The following RRBP1 variants were observed in gnomAD, a reference collection of about 807,000 sequenced individuals.
RRBP1 encodes ribosome-binding protein 1.
A neutral mutation model predicts 165.2 loss-of-function variants in RRBP1; 94 were observed. That is an observed-to-expected ratio of 0.57 (90% CI 0.48 to 0.68). The LOEUF is 0.68. Among genes scored for constraint, RRBP1 ranks in the 30% least tolerant of loss-of-function variants. The pLI is 0.00. For missense variants in RRBP1, 1,676 were observed against 1,763.0 expected (o/e 0.95, Z 0.88); for synonymous variants, 680 against 714.5 (o/e 0.95, Z 0.77).
chr20:17,665,535 C>A (rs192235174), intron 2 of RRBP1, among the ~76,000 whole-genome samples: 1 of 152,244 alleles, frequency 6.6e-6, no homozygotes, highest in Admixed American at 6.5e-5. Flanking sequence ...CCACGCCCAG[C>A]TAATTTTTGT....
At chr20:17,663,448 T>C (rs1305259009) in intron 2 of RRBP1, among the ~76,000 whole-genome samples, 1 of 152,216 alleles carries the variant, frequency 6.6e-6, no homozygotes, top group East Asian at 1.9e-4. Context: ...CACAAATGTG[T>C]CTTCCCAACT....
chr20:17,616,249 A>G (rs2035797683), intron 21 of RRBP1, among the ~76,000 whole-genome samples: 1 of 152,002 alleles, frequency 6.6e-6, no homozygotes, highest in African/African-American at 2.4e-5. Flanking sequence ...GACAAGAACG[A>G]TGCCTCCGAG....
At chr20:17,634,750 G>C (rs1319004781) in intron 7 of RRBP1, among the ~76,000 whole-genome samples, 1 of 152,210 alleles carries the variant, frequency 6.6e-6, no homozygotes, top group Admixed American at 6.5e-5. Context: ...GGAAACAGCA[G>C]CCACAAACCT....
chr20:17,638,777 G>A (rs775759995), intron 5 of RRBP1, among the ~76,000 whole-genome samples: 2 of 152,082 alleles, frequency 1.3e-5, no homozygotes, highest in Admixed American at 1.3e-4. Flanking sequence ...CATTGGCTCA[G>A]AAGTGACTCT....
intron 5 of RRBP1, among the ~76,000 whole-genome samples, chr20:17,639,431 A>G (rs2036305943): frequency 6.6e-6 from 1 of 152,222 alleles, no homozygotes; most frequent in Admixed American, 6.5e-5. Context: ...ACTTCTCTAC[A>G]AGGACAAAGA....
chr20:17,669,395 G>T (rs899742024), intron 2 of RRBP1, among the ~76,000 whole-genome samples: 1 of 152,208 alleles, frequency 6.6e-6, no homozygotes, highest in Admixed American at 6.5e-5. Context: ...TAGGAATCAA[G>T]AACTGATGTC....
At chr20:17,622,142 T>C (rs1050792129) in intron 13 of RRBP1, among the ~76,000 whole-genome samples, 195 bp from the exon 14 acceptor site, 5 of 152,184 alleles carry the variant, frequency 3.3e-5, no homozygotes, top group Admixed American at 2.6e-4. Flanking sequence ...ACCCAGCCTG[T>C]ATCTGGTCCA....
intron 17 of RRBP1, 26 bp from the exon 18 acceptor site, chr20:17,620,396 C>G (rs1214067348): frequency 1.3e-6 from 2 of 1,593,202 alleles, no homozygotes; most frequent in Non-Finnish European, 1.7e-6. Context: ...AAGGCTCCGT[C>G]AGACACGAGC....
At chr20:17,627,304 G>T in intron 11 of RRBP1, 44 bp downstream of exon 11, 1 of 1,606,412 alleles carries the variant, frequency 6.2e-7, no homozygotes, top group Non-Finnish European at 8.5e-7. Context: ...TTGGTCCCCC[G>T]GGCTGAGGCT....
At chr20:17,633,316 G>T in intron 8 of RRBP1, 144 bp downstream of exon 8, 1 of 885,652 alleles carries the variant, frequency 1.1e-6, no homozygotes, top group Non-Finnish European at 1.7e-6. Flanking sequence ...TTGAGCCCCA[G>T]CCCTGCAGAC....
At chr20:17,669,743 G>A (rs1051427400) in intron 2 of RRBP1, among the ~76,000 whole-genome samples, 8 of 152,136 alleles carry the variant, frequency 5.3e-5, no homozygotes, top group African/African-American at 1.4e-4. Flanking sequence ...CTGAAGTTTC[G>A]TTTTCTGCTT....
chr20:17,628,337 TC>T (rs1377816561), intron 9 of RRBP1, among the ~76,000 whole-genome samples: 1 of 151,988 alleles, frequency 6.6e-6, no homozygotes, highest in African/African-American at 2.4e-5. Flanking sequence ...CTCCTCATCT[TC>T]CTCCCTCGCC....
rs759779370 is a variant in RRBP1 at position 17,614,861 on chromosome 20, TTC to T, written c.4068_4069del (p.Lys1357GlufsTer5). On this transcript the variant is annotated frameshift_variant, in exon 24 of 25. Coordinates refer to ENST00000377813, the MANE Select transcript of RRBP1 (RefSeq NM_001365613.2). LOFTEE classifies it high-confidence loss of function. Reference sequence around the variant, plus strand: ...GCGCCCCAGGTCACTTGTTAACTTCTTCTCTTTTTCTAGTCTCTCCTGATGGT... The same window carrying T: ...GCGCCCCAGGTCACTTGTTAACTTCTTCTTTTTCTAGTCTCTCCTGATGGT... 3 of 1,613,524 alleles carry T rather than the reference TTC, an allele frequency of 1.9e-6. No individual in the cohort carries two copies. The highest frequency in any genetic ancestry group is 2.5e-6 in the Non-Finnish European group (3 of 1,180,016).
chr20:17,672,909 G>C (rs1230817677), intron 2 of RRBP1, among the ~76,000 whole-genome samples: 2 of 152,188 alleles, frequency 1.3e-5, no homozygotes, highest in Non-Finnish European at 2.9e-5. Context: ...TTTACATCAA[G>C]TTCAAACACA....
Position 17,619,620 on chromosome 20 carries a change from G to C in RRBP1, c.3675+13C>G. ...GCTGGGCAGGGGCTGCACTCCTTGG[G>C]GGGCAGACTCACCCCTGCCACCTCC... On this transcript the variant is annotated intron_variant, in intron 19 of 24. Coordinates refer to ENST00000377813, the MANE Select transcript of RRBP1 (RefSeq NM_001365613.2). 6 of 1,600,814 alleles carry C rather than the reference G, an allele frequency of 3.7e-6. No homozygotes were observed. The East Asian group carries it at 1.3e-4, about 36-fold the overall frequency.
intron 2 of RRBP1, among the ~76,000 whole-genome samples, chr20:17,675,362 CT>C (rs2122511521): frequency 6.6e-6 from 1 of 152,334 alleles, no homozygotes; most frequent in Non-Finnish European, 1.5e-5. Flanking sequence ...TCTCCATTAG[CT>C]CAGCAAGAAT....
Position 17,619,739 on chromosome 20 carries a change from G to A in RRBP1, c.3580-11C>T, listed in dbSNP as rs752351181. ...CGTGTGCTCCCTCACCTGGACAGAT[G>A]CACAGACACGCACACGCATGCGCCA... On this transcript the variant is annotated splice_polypyrimidine_tract_variant and intron_variant, in intron 18 of 24. Transcript: ENST00000377813. 2 of 1,582,898 alleles carry A rather than the reference G, an allele frequency of 1.3e-6. No individual in the cohort carries two copies. The highest frequency in any genetic ancestry group is 1.7e-6 in the Non-Finnish European group (2 of 1,156,964).
chr20:17,620,587 T>TC (rs1295938042), intron 17 of RRBP1, 128 bp downstream of exon 17: 7 of 817,076 alleles, frequency 8.6e-6, no homozygotes, highest in South Asian at 8.5e-5. Flanking sequence ...CAACTGTGCT[T>TC]CATAGGGTGT....
chr20:17,679,839 G>A (rs571194464), intron 2 of RRBP1, among the ~76,000 whole-genome samples, 160 bp downstream of exon 2: 21 of 152,292 alleles, frequency 1.4e-4, no homozygotes, highest in African/African-American at 5.1e-4. Flanking sequence ...TGAAAGGTGA[G>A]AGTTGTTATA....
Sources: allele counts gnomAD v4.1 joint callset (sites outside exome capture counted in the v4.1 genomes callset), GRCh38; gene constraint gnomAD v4.1.1; transcripts MANE v1.5; gene names NCBI Gene and HGNC (gene_info 2026-07-23, HGNC 2026-07-21).